DCST1: variants seen among roughly 807,000 people sequenced by gnomAD.
DCST1 encodes DC-STAMP domain containing 1.
A neutral mutation model predicts 89.1 loss-of-function variants in DCST1; 78 were observed. The ratio of observed to expected loss-of-function variants is 0.88; its 90% CI spans 0.73 to 1.06. The LOEUF (loss-of-function observed/expected upper bound fraction) is 1.06. Among genes scored for constraint, DCST1 ranks in the 50% least tolerant of loss-of-function variants. The pLI, the probability that DCST1 is intolerant of heterozygous loss-of-function variation, is 0.00. For synonymous variants in DCST1, 364 were observed against 371.9 expected, an observed-to-expected ratio of 0.98 and a Z score of 0.24; for missense variants, 900 against 928.6, an observed-to-expected ratio of 0.97 and a Z score of 0.40.
Position 155,050,857 on chromosome 1 carries a change from T to C in DCST1, c.2110T>C (p.Tyr704His). 6.2e-7 allele frequency: 1 copy of C among 1,609,896 alleles called. No individual in the cohort carries two copies. Among genetic ancestry groups the C allele is most frequent in the East Asian group, 2.2e-5 (1 of 44,744 alleles). ...AFSDSNDDTA[Y>H]AG ...TAGTGACAGCAACGACGACACTGCCTACGCGGGGTGAAGAGGCGTCCTGCT... is the reference window on the plus strand; with the variant it reads ...TAGTGACAGCAACGACGACACTGCCCACGCGGGGTGAAGAGGCGTCCTGCT... Residue 704 changes from tyrosine (Y) to histidine (H), a missense_variant, in exon 17 of 17, where the codon TAC (tyrosine) becomes CAC (histidine). By Grantham distance (83) the Tyr-to-His change is moderately conservative. Coordinates refer to ENST00000295542, the MANE Select transcript of DCST1 (RefSeq NM_152494.4).
Position 155,041,459 on chromosome 1 carries a change from T to C in DCST1, c.594T>C (p.Asp198=), listed in dbSNP as rs138800616. ...RNISATFEDL[D]AQVNSETGYT... ...TCTCCGCCACTTTTGAGGACCTGGA[T>C]GCCCAGGTGAATAGTGAGACGGGCT... is the stretch of plus-strand genomic sequence containing the variant. Residue 198 remains aspartate, a synonymous_variant, in exon 7 of 17, where the codon GAT becomes GAC. Coordinates refer to ENST00000295542, the MANE Select transcript of DCST1 (RefSeq NM_152494.4). 3.2e-4 allele frequency: 515 copies of C among 1,614,038 alleles called. 3 individuals are homozygous for C. In the African/African-American group the frequency reaches 6.3e-3, roughly 20 times the overall value.
rs1660437595 is a variant in DCST1 at position 155,041,447 on chromosome 1, T to G, written c.582T>G (p.Phe194Leu). ...RAETRNISAT[F>L]EDLDAQVNSE... is the part of the protein sequence containing the mutation. ...AGACTCGGAACATCTCCGCCACTTT[T>G]GAGGACCTGGATGCCCAGGTGAATA... The change falls in exon 7 of 17, where the codon TTT (phenylalanine) becomes TTG (leucine). Residue 194 changes from phenylalanine (F) to leucine (L), a missense_variant. Physicochemically the swap from Phe to Leu is conservative, Grantham distance 22. Coordinates refer to ENST00000295542, the MANE Select transcript of DCST1 (RefSeq NM_152494.4). 2.5e-6 allele frequency: 4 copies of G among 1,613,952 alleles called. No individual in the cohort carries two copies. Among genetic ancestry groups the G allele is most frequent in the Non-Finnish European group, 3.4e-6 (4 of 1,180,022 alleles).
chr1:155,035,472 A>G (rs1020152929), intron 4 of DCST1, among the ~76,000 whole-genome samples: 5 of 152,052 alleles, frequency 3.3e-5, no homozygotes, highest in Non-Finnish European at 7.4e-5. Flanking sequence ...CAGTTTGGAT[A>G]ATTTAACAGC....
At chr1:155,041,215 G>T (rs377708648) in intron 6 of DCST1, among the ~76,000 whole-genome samples, 182 bp from the exon 7 acceptor site, 41 of 152,260 alleles carry the variant, frequency 2.7e-4, no homozygotes, top group Non-Finnish European at 4.1e-4. Flanking sequence ...CTGGTGGGGG[G>T]GCTCCCAAGG....
intron 10 of DCST1, among the ~76,000 whole-genome samples, chr1:155,044,875 G>A (rs551346466): frequency 1.5e-4 from 23 of 152,296 alleles, no homozygotes; most frequent in African/African-American, 5.3e-4. Context: ...AGCCTGGCCC[G>A]GGTAGAGCAT....
intron 16 of DCST1, among the ~76,000 whole-genome samples, chr1:155,050,310 G>C (rs1395436931): frequency 6.6e-6 from 1 of 152,242 alleles, no homozygotes; most frequent in African/African-American, 2.4e-5. Flanking sequence ...AACAGTGATA[G>C]TCGATCTGGC....
At chr1:155,041,266 C>A in intron 6 of DCST1, 131 bp from the exon 7 acceptor site, 1 of 900,326 alleles carries the variant, frequency 1.1e-6, no homozygotes, top group Non-Finnish European at 1.7e-6. Flanking sequence ...GGCTGTGTCT[C>A]AGGGCCTAGG....
At chr1:155,050,514 G>A (rs906163575) in intron 16 of DCST1, 103 bp from the exon 17 acceptor site, 6 of 1,420,364 alleles carry the variant, frequency 4.2e-6, no homozygotes, top group African/African-American at 2.9e-5. Flanking sequence ...CCTCCAACAC[G>A]CGGGAATTGT....
In DCST1 at chr1:155,042,985, CAAG is replaced by C. The variant is rs1274363908; in HGVS notation, c.1014+130_1014+132del. On this transcript the variant is annotated intron_variant, in intron 9 of 16. Transcript: ENST00000295542. ...GGTGACCAGGGGTGAGGGAGGGGGA[CAAG>C]GAGGGGGAATGTCGCTGGTGTTGAG... 1.1e-5 allele frequency: 14 copies of C among 1,318,452 alleles called. No homozygotes were observed. The East Asian group carries it at 1.1e-4, about 10-fold the overall frequency. 81.7% of individuals were successfully genotyped at this position (1,318,452 alleles called of 1,614,324 possible). A position where few individuals can be genotyped will look rare whatever the true frequency, so the allele number is the denominator to read the frequency against.
chr1:155,042,715 C>T lies in DCST1; in HGVS notation c.893-20C>T, dbSNP rs1485684113. The T allele has an allele frequency of 6.2e-7, 1 of 1,613,756 alleles. No individual in the cohort carries two copies. The highest frequency in any genetic ancestry group is 8.5e-7 in the Non-Finnish European group (1 of 1,179,996). On this transcript the variant is annotated intron_variant, in intron 8 of 16. Coordinates refer to ENST00000295542, the MANE Select transcript of DCST1 (RefSeq NM_152494.4). ...AGGACAGGCCCGGGGAGGCCCCTGA[C>T]CCCGTCCACTGTTCACCAGTGATGG...
In DCST1 at chr1:155,047,843, C is replaced by T. The variant is rs768771276; in HGVS notation, c.1669C>T (p.Pro557Ser). The T allele has an allele frequency of 2.5e-6, 4 of 1,614,104 alleles. No homozygotes were observed. Among genetic ancestry groups the T allele is most frequent in the Admixed American group, 1.7e-5 (1 of 60,006 alleles). Residue 557 changes from proline (P) to serine (S), a missense_variant, in exon 15 of 17, where the codon CCG (proline) becomes TCG (serine). By Grantham distance (74) the Pro-to-Ser change is moderately conservative. Transcript: ENST00000295542. ...DARAYWRAAV[P>S]IGLLVCLCLL... Reference sequence around the variant, plus strand: ...CAGGGCCTACTGGAGAGCTGCAGTACCGATTGGCCTGTTAGTGTGTCTCTG... The same window carrying T: ...CAGGGCCTACTGGAGAGCTGCAGTATCGATTGGCCTGTTAGTGTGTCTCTG...
chr1:155,040,818 T>G (rs1660418218), intron 6 of DCST1, among the ~76,000 whole-genome samples, 194 bp downstream of exon 6: 1 of 152,196 alleles, frequency 6.6e-6, no homozygotes, highest in African/African-American at 2.4e-5. Flanking sequence ...CCTGAGTCAT[T>G]AGGACATGCT....
Position 155,043,467 on chromosome 1 carries a change from T to C in DCST1, c.1130T>C (p.Leu377Pro). 2 of 1,610,132 alleles carry C rather than the reference T, an allele frequency of 1.2e-6. No homozygotes were observed. The highest frequency in any genetic ancestry group is 1.7e-6 in the Non-Finnish European group (2 of 1,178,186). The change falls in exon 10 of 17, where the codon CTG (leucine) becomes CCG (proline). Residue 377 changes from leucine to proline, a missense_variant. Transcript: ENST00000295542. ...CGGCTGGAGTGGGCCCTGGGGCTGC[T>C]GCACGTGCTGCTCTCCTGCACTTTC... ...EARLEWALGL[L>P]HVLLSCTFLL... is the part of the protein sequence containing the mutation.
chr1:155,037,600 T>C (rs935862265), intron 4 of DCST1, among the ~76,000 whole-genome samples: 2 of 152,124 alleles, frequency 1.3e-5, no homozygotes, highest in South Asian at 2.1e-4. Flanking sequence ...CCTGCCACCA[T>C]GCCTGGCTAA....
chr1:155,041,489 G>T lies in DCST1; in HGVS notation c.624G>T (p.Thr208=), dbSNP rs111387318. 1 of 1,614,074 alleles carries T rather than the reference G, an allele frequency of 6.2e-7. No homozygotes were observed. The highest frequency in any genetic ancestry group is 1.1e-5 in the South Asian group (1 of 91,078). Residue 208 remains threonine (T), a synonymous_variant, in exon 7 of 17, where the codon ACG becomes ACT. Coordinates refer to ENST00000295542, the MANE Select transcript of DCST1 (RefSeq NM_152494.4). ...AGGTGAATAGTGAGACGGGCTACAC[G>T]CCTGAGGATACCATGGACTCAGGGG... ...DAQVNSETGY[T]PEDTMDSGET...
rs1045534580 is a variant in DCST1, at chr1:155,045,448, T to C, written c.1173-445T>C. The C allele has an allele frequency of 1.3e-5, 3 of 224,798 alleles. No individual in the cohort carries two copies. In the South Asian group the frequency reaches 1.8e-4, roughly 14 times the overall value. The allele number at this position is 224,798 out of a possible 1,614,324, so 13.9% of individuals were successfully genotyped here. ...TGCCCCAGCACACTTCCAGGAGATA[T>C]GCTGCAGGCAAAGCCAAGAGGCAGG... On this transcript the variant is annotated intron_variant, in intron 10 of 16. Coordinates refer to ENST00000295542, the MANE Select transcript of DCST1 (RefSeq NM_152494.4).
At chr1:155,040,751 C>G in intron 6 of DCST1, 127 bp downstream of exon 6, 1 of 1,380,652 alleles carries the variant, frequency 7.2e-7, no homozygotes, top group Non-Finnish European at 9.6e-7. Flanking sequence ...TTTTGCAGAA[C>G]TATTCCCAAA....
intron 14 of DCST1, among the ~76,000 whole-genome samples, chr1:155,047,551 C>A (rs1660694190): frequency 6.6e-6 from 1 of 152,190 alleles, no homozygotes; most frequent in African/African-American, 2.4e-5. Flanking sequence ...GGGCCCCAGC[C>A]CTCCAGAGCA....
intron 6 of DCST1, 111 bp from the exon 7 acceptor site, chr1:155,041,286 G>T: frequency 1.8e-6 from 2 of 1,108,710 alleles, no homozygotes; most frequent in Non-Finnish European, 1.3e-6. Context: ...GCTCCCTGTC[G>T]GCCTGGGGTG....
Sources: allele counts gnomAD v4.1 joint callset (sites outside exome capture counted in the v4.1 genomes callset), GRCh38; gene constraint gnomAD v4.1.1; transcripts MANE v1.5; gene names NCBI Gene and HGNC (gene_info 2026-07-23, HGNC 2026-07-21).